Variants in WWC2 observed in about 807,000 individuals in gnomAD.
WWC2 encodes the protein WW and C2 domain containing 2.
WWC2 carries 101 observed loss-of-function variants against 138.5 expected under a neutral mutation model. That is an observed-to-expected ratio of 0.73 (90% CI 0.62 to 0.86). WWC2 has a LOEUF of 0.86. Ranked by LOEUF, WWC2 falls within the 40% of genes least tolerant of loss-of-function variation. WWC2 has a pLI of 0.00. For missense variants in WWC2, 1,420 were observed against 1,419.4 expected (o/e 1.00, Z -0.01); for synonymous variants, 558 against 538.4 (o/e 1.04, Z -0.50).
chr4:183,188,134 G>A lies in WWC2; in HGVS notation c.132-5465G>A, dbSNP rs138615791. Among the ~76,000 whole-genome samples the A allele has an allele frequency of 3.5e-3, 534 of 152,284 alleles. 3 individuals carry two copies. Among genetic ancestry groups the A allele is most frequent in the African/African-American group, 0.012 (497 of 41,554 alleles). ...CAAAAGGGCTCATGGCAGGAAGAACGGGGGAGTGAGGCTAGATTGGAGCCT... is the reference window on the plus strand; with the variant it reads ...CAAAAGGGCTCATGGCAGGAAGAACAGGGGAGTGAGGCTAGATTGGAGCCT... On this transcript the variant is annotated intron_variant, in intron 1 of 22. Transcript: ENST00000403733.
chr4:183,110,806 G>C (rs1307729513), intron 1 of WWC2, among the ~76,000 whole-genome samples: 4 of 152,150 alleles, frequency 2.6e-5, no homozygotes, highest in African/African-American at 7.2e-5. Flanking sequence ...GCTTTCCTTT[G>C]GTGTGAACTT....
intron 19 of WWC2, 24 bp from the exon 20 acceptor site, chr4:183,285,943 T>C (rs537847763): frequency 6.4e-7 from 1 of 1,560,610 alleles, no homozygotes; most frequent in East Asian, 2.4e-5. Flanking sequence ...GCAGTGATTT[T>C]TTTTTTAAAT....
rs531046099 is a variant in WWC2, at chr4:183,147,740, T to A, written c.132-45859T>A. Among the ~76,000 whole-genome samples, 13 of 152,360 alleles carry A rather than the reference T, an allele frequency of 8.5e-5. No individual in the cohort carries two copies. The East Asian group carries it at 2.1e-3, about 25-fold the overall frequency. On this transcript the variant is annotated intron_variant, in intron 1 of 22. Coordinates refer to ENST00000403733, the MANE Select transcript of WWC2 (RefSeq NM_024949.6). Reference sequence around the variant, plus strand: ...TTGTTATGAGAGATTTTGAGTGATGTTAAAACAAAGGATTGTCTGCATTAT... The same window carrying A: ...TTGTTATGAGAGATTTTGAGTGATGATAAAACAAAGGATTGTCTGCATTAT...
intron 2 of WWC2, among the ~76,000 whole-genome samples, chr4:183,202,507 T>C (rs1350575865): frequency 6.6e-6 from 1 of 152,224 alleles, no homozygotes; most frequent in African/African-American, 2.4e-5. Flanking sequence ...TTCTTGATTG[T>C]TTTTCGGTCT....
At chr4:183,242,161 T>C (rs990552646) in intron 5 of WWC2, among the ~76,000 whole-genome samples, 2 of 152,170 alleles carry the variant, frequency 1.3e-5, no homozygotes, top group African/African-American at 4.8e-5. Flanking sequence ...ATAAAGCTGT[T>C]CTTATTCAAA....
rs148399483 is a variant in WWC2 at position 183,223,787 on chromosome 4, G to A, written c.522+14762G>A. On this transcript the variant is annotated intron_variant, in intron 4 of 22. Transcript: ENST00000403733. ...GAAGTCTTACCCAGGCTGAAGGGCA[G>A]TGCGGCAATCTCGGCTCACTGCAAC... Among the ~76,000 whole-genome samples the A allele has an allele frequency of 8.7e-4, 132 of 152,272 alleles. 1 individual carries two copies. The highest frequency in any genetic ancestry group is 3.0e-3 in the African/African-American group (123 of 41,560).
intron 1 of WWC2, among the ~76,000 whole-genome samples, chr4:183,165,794 A>G (rs1368798143): frequency 6.6e-6 from 1 of 152,214 alleles, no homozygotes; most frequent in Non-Finnish European, 1.5e-5. Flanking sequence ...TGGAATTTGA[A>G]TGTGGTGTGA....
chr4:183,126,558 TG>T (rs753322616), intron 1 of WWC2, among the ~76,000 whole-genome samples: 23 of 152,280 alleles, frequency 1.5e-4, no homozygotes, highest in Middle Eastern at 3.4e-3. Flanking sequence ...AGAGGACTGT[TG>T]TAGATCAAGT....
chr4:183,303,060 CAAAAAAAAA>C (rs35439586), intron 21 of WWC2, among the ~76,000 whole-genome samples: 1 of 82,564 alleles, frequency 1.2e-5, no homozygotes, highest in Non-Finnish European at 2.3e-5. Context: ...GACTCCATCT[CAAAAAAAAA>C]AAAAAAAAAA....
Position 183,315,659 on chromosome 4 carries a change from C to G in WWC2, c.3513-4C>G. 6.2e-7 allele frequency: 1 copy of G among 1,612,036 alleles called. No individual in the cohort carries two copies. Among genetic ancestry groups the G allele is most frequent in the Non-Finnish European group, 8.5e-7 (1 of 1,178,698 alleles). On this transcript the variant is annotated splice_region_variant and splice_polypyrimidine_tract_variant and intron_variant, in intron 22 of 22. Coordinates refer to ENST00000403733, the MANE Select transcript of WWC2 (RefSeq NM_024949.6). ...AGTCAATTTATTTCTCACCCCAACTCTAGGGAGAAGATTGCCTACTTCACC... is the reference window on the plus strand; with the variant it reads ...AGTCAATTTATTTCTCACCCCAACTGTAGGGAGAAGATTGCCTACTTCACC...
At position 183,320,720 on chromosome 4, in the gene WWC2, T is replaced by C. The variant is rs538574500; in HGVS notation, c.*4991T>C. 4.0e-5 allele frequency: 7 copies of C among 173,966 alleles called. No individual in the cohort carries two copies. The South Asian group carries it at 1.2e-3, about 30-fold the overall frequency. 10.8% of individuals were successfully genotyped at this position (173,966 alleles called of 1,614,324 possible). A position where few individuals can be genotyped will look rare whatever the true frequency, so the allele number is the denominator to read the frequency against. On this transcript the variant is annotated 3_prime_UTR_variant, in exon 23 of 23. Transcript: ENST00000403733. ...GTTATGGTAATACTGAGTGTTATTT[T>C]TTAAAAATAGGTTTAAGAAAAGTAT...
intron 16 of WWC2, among the ~76,000 whole-genome samples, chr4:183,274,209 C>T (rs897418256): frequency 3.3e-5 from 5 of 152,118 alleles, no homozygotes; most frequent in African/African-American, 9.7e-5. Context: ...TTCAGAGTCC[C>T]TTGCATTTCC....
At chr4:183,315,584 G>A in intron 22 of WWC2, 79 bp from the exon 23 acceptor site, 1 of 1,122,876 alleles carries the variant, frequency 8.9e-7, no homozygotes, top group African/African-American at 1.6e-5. Flanking sequence ...GCCACTGCAG[G>A]TCTTGGGGAC....
At chr4:183,197,248 A>G (rs1735169884) in intron 2 of WWC2, among the ~76,000 whole-genome samples, 1 of 152,170 alleles carries the variant, frequency 6.6e-6, no homozygotes, top group African/African-American at 2.4e-5. Context: ...TATTCTGGTG[A>G]TCTGTTGTAC....
At chr4:183,249,796 G>GTT in intron 7 of WWC2, 124 bp from the exon 8 acceptor site, 1 of 696,510 alleles carries the variant, frequency 1.4e-6, no homozygotes, top group Non-Finnish European at 2.4e-6. Flanking sequence ...TAAAATTGGT[G>GTT]TTTCCCGATT....
chr4:183,247,077 A>T (rs991813673), intron 6 of WWC2, among the ~76,000 whole-genome samples: 3 of 152,210 alleles, frequency 2.0e-5, no homozygotes, highest in Admixed American at 6.5e-5. Context: ...AACTTTAGAT[A>T]TCTTCTGTGA....
chr4:183,167,261 A>G (rs1418202074), intron 1 of WWC2, among the ~76,000 whole-genome samples: 1 of 152,196 alleles, frequency 6.6e-6, no homozygotes, highest in Non-Finnish European at 1.5e-5. Context: ...CCCATTAGAC[A>G]TTTATTGAGA....
chr4:183,260,551 A>T (rs1737290670), intron 10 of WWC2, among the ~76,000 whole-genome samples: 1 of 152,212 alleles, frequency 6.6e-6, no homozygotes, highest in Admixed American at 6.5e-5. Context: ...AAATACTACC[A>T]TTGTGTTATA....
At chr4:183,212,128 G>A (rs1735614783) in intron 4 of WWC2, among the ~76,000 whole-genome samples, 1 of 152,076 alleles carries the variant, frequency 6.6e-6, no homozygotes, top group Non-Finnish European at 1.5e-5. Flanking sequence ...GCCTCTTTTG[G>A]ATCTTTAACA....
Sources: gnomAD v4.1 joint callset for allele counts (sites outside exome capture counted in the v4.1 genomes callset) on GRCh38, gnomAD v4.1.1 for gene constraint, MANE v1.5 for transcripts, NCBI Gene and HGNC (gene_info 2026-07-23, HGNC 2026-07-21) for gene names.